The following TIPIN variants were observed in gnomAD, a reference collection of about 807,000 sequenced individuals.
The protein encoded by TIPIN is TIMELESS interacting protein, also known as TIMELESS-interacting protein.
TIPIN carries 29 observed loss-of-function variants against 35.6 expected under a neutral mutation model. That is an observed-to-expected ratio of 0.82 (90% confidence interval 0.61 to 1.11). The LOEUF is 1.11. Ranked by LOEUF, TIPIN falls within the 50% of genes most tolerant of loss-of-function variation. The probability of loss-of-function intolerance (pLI) is 0.00; values close to 1 mark genes in which losing one functional copy is unlikely to be tolerated. For missense variants in TIPIN, 296 were observed against 345.4 expected (o/e 0.86, Z 1.13); for synonymous variants, 102 against 121.5 (o/e 0.84, Z 1.06).
At chr15:66,352,770 CGTG>C (rs1443516959) in intron 2 of TIPIN, 42 bp downstream of exon 2, 32 of 1,542,950 alleles carry the variant, frequency 2.1e-5, no homozygotes, top group Non-Finnish European at 2.6e-5. Context: ...CATGAGCCAC[CGTG>C]CCTGGCCTCA....
intron 6 of TIPIN, among the ~76,000 whole-genome samples, chr15:66,342,207 A>G (rs1566971590): frequency 1.4e-5 from 2 of 147,652 alleles, no homozygotes; most frequent in Non-Finnish European, 1.5e-5. Context: ...AAAAAAAAAA[A>G]AGAAAGAAAC....
chr15:66,373,897 C>A (rs1017629456), intron 1 of TIPIN, among the ~76,000 whole-genome samples: 1 of 151,812 alleles, frequency 6.6e-6, no homozygotes, highest in African/African-American at 2.4e-5. Flanking sequence ...GAGACAGGGT[C>A]GCCCTATGTT....
At chr15:66,360,819 A>G (rs2140477933), upstream of TIPIN, among the ~76,000 whole-genome samples, 1 of 152,262 alleles carries the variant, frequency 6.6e-6, no homozygotes, top group Non-Finnish European at 1.5e-5. Flanking sequence ...ATACAAAATT[A>G]GCCCATCGTG....
At chr15:66,367,837 T>G (rs1359366239) in intron 1 of TIPIN, among the ~76,000 whole-genome samples, 3 of 147,176 alleles carry the variant, frequency 2.0e-5, no homozygotes, top group Non-Finnish European at 3.0e-5. Context: ...ATCTTTGTTT[T>G]TGTTTTTTTT....
At chr15:66,383,436 T>A (rs552479375) in intron 1 of TIPIN, 1 of 211,124 alleles carries the variant, frequency 4.7e-6, no homozygotes, top group South Asian at 1.7e-4. Context: ...ATAATTTTTG[T>A]ATTTTTAGTA....
chr15:66,356,775 C>G (rs2093207066), upstream of TIPIN: 2 of 975,840 alleles, frequency 2.0e-6, no homozygotes, highest in Non-Finnish European at 1.2e-6. Flanking sequence ...CTGGGCGGAG[C>G]CTGCAAAACC....
At chr15:66,348,009 T>TTTTC (rs1555407875) in intron 6 of TIPIN, among the ~76,000 whole-genome samples, 1 of 354 alleles carries the variant, frequency 2.8e-3, no homozygotes, top group East Asian at 0.5. Flanking sequence ...TCTTTCTTTC[T>TTTTC]TTTTTTTTTT....
rs36061431 is a variant in TIPIN at position 66,377,107 on chromosome 15, C to CAAA, written c.-9+9497_-9+9499dup. Among the ~76,000 whole-genome samples, 182 of 105,254 alleles carry CAAA rather than the reference C, an allele frequency of 1.7e-3. 4 individuals carry two copies. Among genetic ancestry groups the CAAA allele is most frequent in the East Asian group, 6.3e-3 (21 of 3,326 alleles). 69.1% of individuals were successfully genotyped at this position (105,254 alleles called of 152,430 possible). On this transcript the variant is annotated intron_variant, in intron 1 of 7. Transcript: ENST00000562124. The stretch of plus-strand genomic sequence containing the variant: ...TGGGCAACAGAGCAAGACTCCCTCT[C>CAAA]AAAAAAAAAAAAAAAAAAAGAGAGT...
At chr15:66,337,288 T>G in intron 7 of TIPIN, 107 bp from the exon 8 acceptor site, 1 of 737,880 alleles carries the variant, frequency 1.4e-6, no homozygotes, top group Non-Finnish European at 2.1e-6. Context: ...AAGTCTAAGA[T>G]CACTTAATGT....
intron 1 of TIPIN, among the ~76,000 whole-genome samples, chr15:66,377,008 T>C (rs1432382536): frequency 6.8e-6 from 1 of 147,346 alleles, no homozygotes; most frequent in Non-Finnish European, 1.5e-5. Context: ...CTCAGAAGGC[T>C]GAGGCAGGAG....
intron 1 of TIPIN, among the ~76,000 whole-genome samples, chr15:66,370,438 G>A (rs2093273565): frequency 1.3e-5 from 2 of 151,674 alleles, no homozygotes; most frequent in Admixed American, 1.3e-4. Flanking sequence ...AATGTCGGAC[G>A]TGAAGAACCA....
chr15:66,362,486 C>T (rs1325314313), intron 1 of TIPIN, among the ~76,000 whole-genome samples: 1 of 151,802 alleles, frequency 6.6e-6, no homozygotes, highest in African/African-American at 2.4e-5. Context: ...TTTGGGAGGC[C>T]GAGGCTGGCA....
At chr15:66,356,526 A>G in intron 1 of TIPIN, 113 bp downstream of exon 1, 2 of 848,866 alleles carry the variant, frequency 2.4e-6, no homozygotes, top group Non-Finnish European at 2.8e-6. Context: ...TCCTGCGACA[A>G]TTAGGCTTTC....
intron 6 of TIPIN, among the ~76,000 whole-genome samples, chr15:66,343,579 C>G (rs1430631666): frequency 1.3e-5 from 2 of 152,134 alleles, no homozygotes; most frequent in Admixed American, 1.3e-4. Context: ...AAACGAAAAG[C>G]CACTTTTCCT....
chr15:66,361,990 TAGAA>T (rs2093233496), intron 1 of TIPIN, among the ~76,000 whole-genome samples: 2 of 139,034 alleles, frequency 1.4e-5, no homozygotes, highest in Non-Finnish European at 3.1e-5. Flanking sequence ...AAAAAGGAAA[TAGAA>T]AGAAATTGAG....
At position 66,341,167 on chromosome 15, in the gene TIPIN, C is replaced by CTAT; in HGVS notation, c.662_664dup (p.Asn221dup). 6.2e-7 allele frequency: 1 copy of CTAT among 1,611,808 alleles called. No homozygotes were observed. The highest frequency in any genetic ancestry group is 1.1e-5 in the South Asian group (1 of 90,986). ...AAATTTACCATTTCCTAGGGTCTGA[C>CTAT]TATTACTCAGCAGCTTTGCCTGCCT... is the stretch of plus-strand genomic sequence containing the variant. On this transcript the variant is annotated inframe_insertion, in exon 7 of 8. Coordinates refer to ENST00000261881, the MANE Select transcript of TIPIN (RefSeq NM_017858.3).
chr15:66,371,524 T>G (rs960110711), intron 1 of TIPIN: 1 of 433,930 alleles, frequency 2.3e-6, no homozygotes, highest in Non-Finnish European at 3.1e-6. Flanking sequence ...GTTTCTTTTT[T>G]TTTTTTGGAG....
chr15:66,342,186 C>CAAAAAAAAAAAAAAAAAAAA (rs55711983), intron 6 of TIPIN, among the ~76,000 whole-genome samples: 11 of 108,516 alleles, frequency 1.0e-4, no homozygotes, highest in African/African-American at 3.1e-4. Flanking sequence ...AAGACTGTCT[C>CAAAAAAAAAAAAAAAAAAAA]AAAAAAAAAA....
intron 6 of TIPIN, among the ~76,000 whole-genome samples, chr15:66,347,723 A>G (rs1027496024): frequency 6.6e-6 from 1 of 152,106 alleles, no homozygotes; most frequent in African/African-American, 2.4e-5. Context: ...AGCTGGGATT[A>G]CAGGCGTGCA....
Sources: allele counts gnomAD v4.1 joint callset (sites outside exome capture counted in the v4.1 genomes callset), GRCh38; gene constraint gnomAD v4.1.1; transcripts MANE v1.5; gene names NCBI Gene and HGNC (gene_info 2026-07-23, HGNC 2026-07-21).